The following AOX1 variants were observed in gnomAD, a reference collection of about 807,000 sequenced individuals.
AOX1 encodes aldehyde oxidase 1.
Under a neutral mutation model 169.5 loss-of-function variants are expected in AOX1, and 153 were observed. That is an observed-to-expected ratio of 0.90 (90% confidence interval 0.79 to 1.03). AOX1 has a LOEUF of 1.03. AOX1 is among the 50% of genes least tolerant of loss of function. The pLI, the probability that AOX1 is intolerant of heterozygous loss-of-function variation, is 0.00. For synonymous variants in AOX1, 562 were observed against 581.9 expected (o/e 0.97, Z 0.49); for missense variants, 1,656 against 1,663.9 (o/e 1.00, Z 0.08).
At chr2:200,623,799 T>G in intron 18 of AOX1, 62 bp from the exon 19 acceptor site, 1 of 1,607,280 alleles carries the variant, frequency 6.2e-7, no homozygotes, top group Non-Finnish European at 8.5e-7. Context: ...AGGAAGAAAA[T>G]GAATAAAAGA....
chr2:200,628,030 A>T (rs577855648), intron 20 of AOX1, among the ~76,000 whole-genome samples: 1 of 152,244 alleles, frequency 6.6e-6, no homozygotes, highest in East Asian at 1.9e-4. Flanking sequence ...ATGTAATTAA[A>T]ATTAAATTTG....
At chr2:200,626,957 T>G (rs552076880) in intron 19 of AOX1, among the ~76,000 whole-genome samples, 1 of 152,290 alleles carries the variant, frequency 6.6e-6, no homozygotes, top group African/African-American at 2.4e-5. Flanking sequence ...TCAAAGCTGG[T>G]AAGTGGGAAA....
intron 32 of AOX1, among the ~76,000 whole-genome samples, chr2:200,667,278 G>T (rs1310766542): frequency 6.6e-6 from 1 of 152,156 alleles, no homozygotes; most frequent in African/African-American, 2.4e-5. Context: ...GCCCACACTG[G>T]ATCCTCATTT....
In AOX1 at chr2:200,634,228, C is replaced by T. The variant is rs377756152; in HGVS notation, c.2222-563C>T. The stretch of plus-strand genomic sequence containing the variant: ...GGAGTTTTTAGATTGCTGGCTTCTC[C>T]GGAACTAAGTCTGGGATATCTGAGG... On this transcript the variant is annotated intron_variant, in intron 20 of 34. Coordinates refer to ENST00000374700, the MANE Select transcript of AOX1 (RefSeq NM_001159.4). Among the ~76,000 whole-genome samples, 8 of 131,148 alleles carry T rather than the reference C, an allele frequency of 6.1e-5. No homozygotes were observed. The East Asian group carries it at 1.1e-3, about 19-fold the overall frequency. The allele number at this position is 131,148 out of a possible 152,430, so 86.0% of individuals were successfully genotyped here.
chr2:200,601,791 G>C (rs1019576425), intron 5 of AOX1, among the ~76,000 whole-genome samples: 1 of 151,882 alleles, frequency 6.6e-6, no homozygotes, highest in Admixed American at 6.6e-5. Context: ...AAATTAGCCT[G>C]ACCTGGTGGT....
At chr2:200,666,597 C>A in intron 31 of AOX1, 90 bp from the exon 32 acceptor site, 1 of 818,068 alleles carries the variant, frequency 1.2e-6, no homozygotes, top group Non-Finnish European at 1.8e-6. Context: ...GGCTTTATAC[C>A]AAAGTCAGCC....
chr2:200,588,747 T>TTTTTTTTTTTTTTTTTTTTTTTA (rs1491285312), intron 1 of AOX1, among the ~76,000 whole-genome samples: 1 of 124,478 alleles, frequency 8.0e-6, no homozygotes, highest in Non-Finnish European at 1.7e-5. Context: ...TTTTTTTTTT[T>TTTTTTTTTTTTTTTTTTTTTTTA]GAGATCGAGT....
chr2:200,619,102 C>T (rs2034828882), intron 16 of AOX1, among the ~76,000 whole-genome samples: 1 of 152,084 alleles, frequency 6.6e-6, no homozygotes. Flanking sequence ...AAGAATTTAG[C>T]TTTTCTCCCC....
At chr2:200,636,029 A>C (rs1055420510) in intron 21 of AOX1, among the ~76,000 whole-genome samples, 4 of 148,304 alleles carry the variant, frequency 2.7e-5, no homozygotes, top group African/African-American at 9.9e-5. Flanking sequence ...ACCCCTAATC[A>C]TTAGGATGGC....
At chr2:200,656,726 C>A (rs956885247) in intron 26 of AOX1, 116 bp from the exon 27 acceptor site, 3 of 695,484 alleles carry the variant, frequency 4.3e-6, no homozygotes, top group Non-Finnish European at 6.5e-6. Context: ...TGTTGCTCCA[C>A]CCTGGGGGGT....
rs764152638 is a variant in AOX1 at position 200,662,815 on chromosome 2, G to A, written c.3429-40G>A. 2.6e-6 allele frequency: 4 copies of A among 1,521,142 alleles called. No homozygotes were observed. The South Asian group carries it at 3.4e-5, about 13-fold the overall frequency. 94.2% of individuals were successfully genotyped at this position (1,521,142 alleles called of 1,614,324 possible). ...GTTTAGTCATCATGGTCTGCAATTA[G>A]GGGACGTGATCACTTAACAACACTC... On this transcript the variant is annotated intron_variant, in intron 30 of 34. Transcript: ENST00000374700.
At chr2:200,599,599 C>G in intron 4 of AOX1, 21 bp from the exon 5 acceptor site, 1 of 1,588,898 alleles carries the variant, frequency 6.3e-7, no homozygotes, top group Non-Finnish European at 8.6e-7. Context: ...TTCTGCATTT[C>G]TAACCTTTCT....
intron 25 of AOX1, among the ~76,000 whole-genome samples, chr2:200,650,322 G>T (rs916655332): frequency 3.3e-5 from 5 of 152,182 alleles, no homozygotes; most frequent in African/African-American, 1.2e-4. Context: ...GCTTCGGAGG[G>T]TGGGGAGAGT....
chr2:200,622,335 G>T (rs951486185), intron 18 of AOX1, among the ~76,000 whole-genome samples: 3 of 152,198 alleles, frequency 2.0e-5, no homozygotes, highest in Non-Finnish European at 4.4e-5. Flanking sequence ...TGATAACATT[G>T]TTGCCTTGTG....
At chr2:200,657,187 TATA>T (rs1310721910) in intron 27 of AOX1, among the ~76,000 whole-genome samples, 7 of 70,482 alleles carry the variant, frequency 9.9e-5, no homozygotes, top group East Asian at 1.3e-3. Context: ...TATATATATA[TATA>T]TTTTTTTTTT....
chr2:200,587,461 A>G (rs1400439646), intron 1 of AOX1, among the ~76,000 whole-genome samples: 2 of 152,158 alleles, frequency 1.3e-5, no homozygotes, highest in Non-Finnish European at 2.9e-5. Context: ...GAAGCTAACC[A>G]GTGTGAAGCA....
chr2:200,643,983 T>C (rs1175599617), intron 25 of AOX1, among the ~76,000 whole-genome samples: 1 of 152,208 alleles, frequency 6.6e-6, no homozygotes, highest in African/African-American at 2.4e-5. Flanking sequence ...GTATAGATTG[T>C]GAGGATTTTC....
chr2:200,657,978 C>T (rs1306321759), intron 27 of AOX1, among the ~76,000 whole-genome samples: 3 of 152,146 alleles, frequency 2.0e-5, no homozygotes, highest in Non-Finnish European at 4.4e-5. Flanking sequence ...AACACTTTCT[C>T]CTGTCATTAA....
intron 7 of AOX1, 28 bp from the exon 8 acceptor site, chr2:200,603,989 A>G: frequency 6.8e-7 from 1 of 1,468,158 alleles, no homozygotes. Flanking sequence ...GCTCGATAAC[A>G]GTAATTTCTG....
Sources: allele counts gnomAD v4.1 joint callset (sites outside exome capture counted in the v4.1 genomes callset), GRCh38; gene constraint gnomAD v4.1.1; transcripts MANE v1.5; gene names NCBI Gene and HGNC (gene_info 2026-07-23, HGNC 2026-07-21).